Variants in FUT9 observed in about 807,000 individuals in gnomAD.
FUT9 encodes the protein fucosyltransferase 9, also known as 4-galactosyl-N-acetylglucosaminide 3-alpha-L-fucosyltransferase 9.
Under a neutral mutation model 29.7 loss-of-function variants are expected in FUT9, and 15 were observed. The ratio of observed to expected loss-of-function variants is 0.51; its 90% CI spans 0.34 to 0.78. The LOEUF is 0.78. Ranked by LOEUF, FUT9 falls within the 30% of genes least tolerant of loss-of-function variation. The probability of loss-of-function intolerance (pLI) is 0.01; values close to 1 mark genes in which losing one functional copy is unlikely to be tolerated. For missense variants in FUT9, 319 were observed against 425.4 expected, an observed-to-expected ratio of 0.75 and a Z score of 2.20; for synonymous variants, 169 against 153.7, an observed-to-expected ratio of 1.10 and a Z score of -0.74.
In FUT9 at chr6:96,191,191, G is replaced by T. The variant is rs554139324; in HGVS notation, c.-8-11957G>T. 5.9e-5 allele frequency among the ~76,000 whole-genome samples: 9 copies of T among 151,988 alleles called. No individual in the cohort carries two copies. In the South Asian group the frequency reaches 1.9e-3, roughly 32 times the overall value. ...CTAGACCCTTTTTGCCTGGGTATCAGCAGTGGAAGCTCTCAGAAGGCAAGA... is the reference window on the plus strand; with the variant it reads ...CTAGACCCTTTTTGCCTGGGTATCATCAGTGGAAGCTCTCAGAAGGCAAGA... On this transcript the variant is annotated intron_variant, in intron 2 of 2. Transcript: ENST00000302103.
intron 1 of FUT9, among the ~76,000 whole-genome samples, chr6:96,049,677 A>T (rs1770630202): frequency 6.6e-6 from 1 of 152,168 alleles, no homozygotes; most frequent in Non-Finnish European, 1.5e-5. Flanking sequence ...GAGAAATACA[A>T]ATTGGACAAT....
intron 1 of FUT9, among the ~76,000 whole-genome samples, chr6:96,071,171 A>G (rs531239903): frequency 6.6e-6 from 1 of 152,344 alleles, no homozygotes; most frequent in Admixed American, 6.5e-5. Flanking sequence ...AGGACTTTTT[A>G]GAATTAGGAT....
chr6:96,098,898 A>G (rs1209097970), intron 1 of FUT9, among the ~76,000 whole-genome samples: 1 of 152,122 alleles, frequency 6.6e-6, no homozygotes, highest in Non-Finnish European at 1.5e-5. Flanking sequence ...TCCCTGAGAT[A>G]CTGTTGTATA....
intron 1 of FUT9, among the ~76,000 whole-genome samples, chr6:96,016,610 A>T (rs548699905): frequency 6.6e-5 from 10 of 152,268 alleles, no homozygotes; most frequent in Non-Finnish European, 1.2e-4. Context: ...TCTCGCGCTG[A>T]CAAAGCCTTC....
At chr6:96,021,087 C>T (rs1377277148) in intron 1 of FUT9, 2 of 151,872 alleles carry the variant, frequency 1.3e-5, no homozygotes, top group African/African-American at 4.8e-5. Context: ...AGGGATGTCA[C>T]CTTGGTATTA....
chr6:96,053,640 C>T (rs532318885), intron 1 of FUT9, among the ~76,000 whole-genome samples: 6 of 151,928 alleles, frequency 3.9e-5, no homozygotes, highest in Non-Finnish European at 4.4e-5. Flanking sequence ...ACCCGGGAGG[C>T]GTAGTTTGCA....
intron 1 of FUT9, among the ~76,000 whole-genome samples, chr6:96,084,124 G>A (rs776797880): frequency 2.0e-5 from 3 of 152,026 alleles, no homozygotes. Flanking sequence ...ACAAGAAGGC[G>A]CTTAGGAACT....
chr6:96,058,468 C>CAAAA (rs3079049), intron 1 of FUT9, among the ~76,000 whole-genome samples: 3,044 of 77,108 alleles, frequency 0.039, 219 homozygotes, highest in South Asian at 0.12. Flanking sequence ...GGCTTTATTC[C>CAAAA]AAAAAAAAAA....
intron 2 of FUT9, among the ~76,000 whole-genome samples, chr6:96,125,470 C>A (rs1029266554): frequency 3.9e-5 from 6 of 152,180 alleles, no homozygotes; most frequent in Admixed American, 1.3e-4. Context: ...TAACTGTTAG[C>A]ATTTTAAAAT....
At chr6:96,180,811 T>C (rs180925532) in intron 2 of FUT9, among the ~76,000 whole-genome samples, 1 of 152,172 alleles carries the variant, frequency 6.6e-6, no homozygotes, top group East Asian at 1.9e-4. Flanking sequence ...ATTGTGTATA[T>C]TTTCTTTATC....
At chr6:96,064,199 C>T (rs1770923326) in intron 1 of FUT9, among the ~76,000 whole-genome samples, 1 of 152,130 alleles carries the variant, frequency 6.6e-6, no homozygotes, top group South Asian at 2.1e-4. Flanking sequence ...AAGAACTCAT[C>T]CTGCACCTAT....
intron 2 of FUT9, among the ~76,000 whole-genome samples, chr6:96,168,452 G>A (rs1259690105): frequency 6.6e-6 from 1 of 152,094 alleles, no homozygotes; most frequent in Admixed American, 6.6e-5. Context: ...AAGAGAAGGT[G>A]GCATCTTGAC....
chr6:96,123,827 G>A (rs1246715104), intron 2 of FUT9, among the ~76,000 whole-genome samples: 1 of 151,864 alleles, frequency 6.6e-6, no homozygotes, highest in East Asian at 2.0e-4. Flanking sequence ...AAATCACAGA[G>A]GAAATGATGG....
chr6:96,136,053 A>G (rs11968101), intron 2 of FUT9, among the ~76,000 whole-genome samples: 16,962 of 151,406 alleles, frequency 0.11, 1,349 homozygotes, highest in Non-Finnish European at 0.18. Context: ...TCAAAAGGAA[A>G]TCATGTAAAA....
intron 2 of FUT9, among the ~76,000 whole-genome samples, chr6:96,202,560 T>C (rs1168543072): frequency 6.6e-6 from 1 of 152,206 alleles, no homozygotes; most frequent in Non-Finnish European, 1.5e-5. Context: ...TACTTGTTTT[T>C]TAAAAATGTA....
At chr6:96,081,416 C>T (rs1483786153) in intron 1 of FUT9, among the ~76,000 whole-genome samples, 1 of 151,684 alleles carries the variant, frequency 6.6e-6, no homozygotes, top group Non-Finnish European at 1.5e-5. Context: ...CAATTTACTC[C>T]TTTCTCTCCA....
At chr6:96,171,067 G>T (rs1188001186) in intron 2 of FUT9, among the ~76,000 whole-genome samples, 1 of 152,162 alleles carries the variant, frequency 6.6e-6, no homozygotes, top group Non-Finnish European at 1.5e-5. Context: ...ACAATCCTAA[G>T]AAACAGAAGT....
intron 1 of FUT9, among the ~76,000 whole-genome samples, chr6:96,067,005 C>T (rs1252866988): frequency 6.6e-6 from 1 of 151,876 alleles, no homozygotes; most frequent in African/African-American, 2.4e-5. Flanking sequence ...TTCATGTGTT[C>T]AGCCAAAACT....
chr6:96,060,287 A>T (rs1770849950), intron 1 of FUT9, among the ~76,000 whole-genome samples: 1 of 152,190 alleles, frequency 6.6e-6, no homozygotes, highest in African/African-American at 2.4e-5. Context: ...ATGAACACCT[A>T]CTTAAATTCA....
Sources: allele counts gnomAD v4.1 joint callset (sites outside exome capture counted in the v4.1 genomes callset), GRCh38; gene constraint gnomAD v4.1.1; transcripts MANE v1.5; gene names NCBI Gene and HGNC (gene_info 2026-07-23, HGNC 2026-07-21).